The following ARNT2 variants were observed in gnomAD, a reference collection of about 807,000 sequenced individuals.
The protein encoded by ARNT2 is aryl hydrocarbon receptor nuclear translocator 2, also known as ARNT protein 2.
A neutral mutation model predicts 91.7 loss-of-function variants in ARNT2; 36 were observed. The observed-to-expected ratio is 0.39, with a 90% CI of 0.30 to 0.52. ARNT2 has a LOEUF of 0.52. ARNT2 is among the 20% of genes least tolerant of loss of function. The pLI is 0.72. For missense variants in ARNT2, 775 were observed against 939.3 expected, an observed-to-expected ratio of 0.83 and a Z score of 2.29; for synonymous variants, 365 against 347.1, an observed-to-expected ratio of 1.05 and a Z score of -0.57.
At chr15:80,478,541 C>T (rs1466362371) in intron 5 of ARNT2, among the ~76,000 whole-genome samples, 1 of 152,250 alleles carries the variant, frequency 6.6e-6, no homozygotes, top group Non-Finnish European at 1.5e-5. Context: ...AGAGCCAGGT[C>T]TCTGAGTTTG....
chr15:80,468,316 G>C (rs114457238), intron 3 of ARNT2, among the ~76,000 whole-genome samples: 3 of 151,612 alleles, frequency 2.0e-5, no homozygotes, highest in Non-Finnish European at 4.4e-5. Flanking sequence ...CACCTCCCCC[G>C]AGAAGCCAGC....
intron 5 of ARNT2, among the ~76,000 whole-genome samples, chr15:80,485,121 G>A (rs1026014622): frequency 6.6e-6 from 1 of 152,170 alleles, no homozygotes; most frequent in Non-Finnish European, 1.5e-5. Flanking sequence ...TAGATCAGTG[G>A]TTTCCCAAAC....
chr15:80,512,064 G>A (rs960887035), intron 6 of ARNT2, among the ~76,000 whole-genome samples: 20 of 152,158 alleles, frequency 1.3e-4, no homozygotes, highest in Admixed American at 1.3e-4. Flanking sequence ...TGGGGCGTCC[G>A]TTGCGTACTA....
At chr15:80,449,113 G>A (rs1294509510) in intron 1 of ARNT2, among the ~76,000 whole-genome samples, 2 of 152,206 alleles carry the variant, frequency 1.3e-5, no homozygotes, top group African/African-American at 2.4e-5. Flanking sequence ...TGGGATAACC[G>A]AAGTTAAGCA....
chr15:80,590,631 A>G (rs77657639), intron 17 of ARNT2, among the ~76,000 whole-genome samples: 3 of 152,180 alleles, frequency 2.0e-5, no homozygotes, highest in African/African-American at 4.8e-5. Context: ...AGTCCCAGCT[A>G]TGAGGGAGGC....
intron 4 of ARNT2, among the ~76,000 whole-genome samples, chr15:80,472,098 A>G (rs1168074959): frequency 1.3e-5 from 1 of 75,020 alleles, no homozygotes; most frequent in Non-Finnish European, 2.6e-5. Flanking sequence ...TTCATTGTGT[A>G]TAGCCGGTGG....
At chr15:80,479,311 G>C (rs571797916) in intron 5 of ARNT2, among the ~76,000 whole-genome samples, 269 of 152,330 alleles carry the variant, frequency 1.8e-3, no homozygotes, top group African/African-American at 5.9e-3. Flanking sequence ...TTCCTAGCTG[G>C]AGAGGTGGTG....
At position 80,470,422 on chromosome 15, in the gene ARNT2, C is replaced by T. The variant is rs753824772; in HGVS notation, c.399C>T (p.Leu133=). The change falls in exon 4 of 19, where the codon CTC becomes CTT. Residue 133 remains leucine (L), a synonymous_variant. Transcript: ENST00000303329. ...ATGGCGCGTACAAGCCTTCCTTCCT[C>T]ACAGAGCAGGTACCCTGGTCATCAC... The part of the protein sequence containing the change: ...STDGAYKPSF[L]TEQELKHLIL... The T allele has an allele frequency of 1.1e-5, 18 of 1,614,040 alleles. No homozygotes were observed. The East Asian group carries it at 4.0e-4, about 36-fold the overall frequency.
chr15:80,467,129 G>A (rs1472979811), intron 3 of ARNT2, among the ~76,000 whole-genome samples: 9 of 151,256 alleles, frequency 6.0e-5, no homozygotes, highest in Admixed American at 4.0e-4. Context: ...GGGTTTAAGC[G>A]AAGGCTCTGG....
intron 1 of ARNT2, among the ~76,000 whole-genome samples, chr15:80,410,214 C>A (rs770493918): frequency 4.6e-5 from 7 of 152,114 alleles, no homozygotes; most frequent in Non-Finnish European, 8.8e-5. Flanking sequence ...ATACTGGGGG[C>A]AGGGATGCCA....
Position 80,591,219 on chromosome 15 carries a change from A to G in ARNT2, c.1919-349A>G, listed in dbSNP as rs1392813518. ...AGCCCACACTCTGCATGCAACAGAT[A>G]TGCCCCTTGCCCCCCAGATGCCCGC... is the stretch of plus-strand genomic sequence containing the variant. On this transcript the variant is annotated intron_variant, in intron 17 of 18. Transcript: ENST00000303329. This position sits in a 1 kb window ranked among gnomAD's most constrained non-coding sequence, Gnocchi z 5.1. Among the ~76,000 whole-genome samples, 2 of 152,050 alleles carry G rather than the reference A, an allele frequency of 1.3e-5. No homozygotes were observed. The highest frequency in any genetic ancestry group is 2.9e-5 in the Non-Finnish European group (2 of 68,024).
intron 8 of ARNT2, among the ~76,000 whole-genome samples, chr15:80,531,209 G>T (rs1295984378): frequency 6.6e-6 from 1 of 152,174 alleles, no homozygotes; most frequent in Non-Finnish European, 1.5e-5. Flanking sequence ...CAGTGTTGTT[G>T]AAAAACTGTC....
intron 5 of ARNT2, among the ~76,000 whole-genome samples, chr15:80,502,721 G>A (rs543301170): frequency 1.3e-5 from 2 of 152,244 alleles, no homozygotes; most frequent in Non-Finnish European, 2.9e-5. Context: ...TTGAGTTCAG[G>A]GAGTGTCTAT....
At chr15:80,467,791 C>T (rs1043764596) in intron 3 of ARNT2, among the ~76,000 whole-genome samples, 4 of 152,094 alleles carry the variant, frequency 2.6e-5, no homozygotes, top group African/African-American at 9.7e-5. Context: ...TCTTGCTGCA[C>T]CTTGGTTGTC....
At chr15:80,528,650 G>A (rs1897684425) in intron 8 of ARNT2, among the ~76,000 whole-genome samples, 1 of 152,074 alleles carries the variant, frequency 6.6e-6, no homozygotes, top group Non-Finnish European at 1.5e-5. Flanking sequence ...GGATCTGTGA[G>A]TTCTCATTCT....
chr15:80,517,104 A>G (rs1897448864), intron 8 of ARNT2, among the ~76,000 whole-genome samples: 1 of 151,868 alleles, frequency 6.6e-6, no homozygotes, highest in African/African-American at 2.4e-5. Flanking sequence ...CTTCCAAGGA[A>G]CTTATTTTAG....
intron 5 of ARNT2, among the ~76,000 whole-genome samples, chr15:80,477,412 C>T (rs1028675533): frequency 6.6e-6 from 1 of 152,212 alleles, no homozygotes; most frequent in African/African-American, 2.4e-5. Context: ...ACCTAATCAC[C>T]TCCTAAAGGC....
intron 8 of ARNT2, among the ~76,000 whole-genome samples, chr15:80,550,496 C>G (rs1474058620): frequency 6.6e-6 from 1 of 152,200 alleles, no homozygotes; most frequent in Admixed American, 6.5e-5. Flanking sequence ...TGCTTGTTTT[C>G]ACTACGACAG....
At chr15:80,538,010 G>C (rs1483659489) in intron 8 of ARNT2, among the ~76,000 whole-genome samples, 3 of 152,186 alleles carry the variant, frequency 2.0e-5, no homozygotes, top group African/African-American at 7.2e-5. Flanking sequence ...GCCATGTGAA[G>C]ATGAAGGAAT....
Sources: gnomAD v4.1 joint callset for allele counts (sites outside exome capture counted in the v4.1 genomes callset) on GRCh38, gnomAD v4.1.1 for gene constraint, Gnocchi (gnomAD v3.1) non-coding constraint, MANE v1.5 for transcripts, NCBI Gene and HGNC (gene_info 2026-07-23, HGNC 2026-07-21) for gene names.